The following ZNF609 variants were observed in gnomAD, a reference collection of about 807,000 sequenced individuals.
The protein encoded by ZNF609 is zinc finger protein 609.
A neutral mutation model predicts 109.5 loss-of-function variants in ZNF609; 11 were observed. The observed-to-expected ratio is 0.10, with a 90% confidence interval of 0.06 to 0.17. ZNF609 has a LOEUF of 0.17. Among genes scored for constraint, ZNF609 ranks in the 10% least tolerant of loss-of-function variants. The pLI, the probability that ZNF609 is intolerant of heterozygous loss-of-function variation, is 1.00. For synonymous variants in ZNF609, 646 were observed against 662.0 expected (o/e 0.98, Z 0.37); for missense variants, 1,559 against 1,772.4 (o/e 0.88, Z 2.16).
intron 4 of ZNF609, among the ~76,000 whole-genome samples, chr15:64,670,983 G>A (rs1407494029): frequency 6.6e-6 from 1 of 151,786 alleles, no homozygotes; most frequent in Non-Finnish European, 1.5e-5. Flanking sequence ...GCCAAGGCGG[G>A]TGGATCATGA....
intron 2 of ZNF609, among the ~76,000 whole-genome samples, chr15:64,531,629 G>A (rs1237546531): frequency 1.3e-5 from 2 of 151,966 alleles, no homozygotes; most frequent in Non-Finnish European, 2.9e-5. Flanking sequence ...GAACTCCTGA[G>A]CTCAAGAACT....
chr15:64,588,250 T>C (rs1184668917), intron 2 of ZNF609, among the ~76,000 whole-genome samples: 16 of 71,652 alleles, frequency 2.2e-4, no homozygotes, highest in African/African-American at 8.1e-4. Context: ...CCCCCGTCTC[T>C]ACTAAAAATA....
chr15:64,563,678 A>C (rs1278756968), intron 2 of ZNF609, among the ~76,000 whole-genome samples: 2 of 151,978 alleles, frequency 1.3e-5, no homozygotes, highest in Non-Finnish European at 2.9e-5. Context: ...CAGGAGGCTG[A>C]GGCAGGAGAA....
At position 64,685,127 on chromosome 15, in the gene ZNF609, C is replaced by A. The variant is rs1244398414; in HGVS notation, c.*3441C>A. 1 of 151,960 alleles carries A rather than the reference C, an allele frequency of 6.6e-6. No homozygotes were observed. Among genetic ancestry groups the A allele is most frequent in the Non-Finnish European group, 1.5e-5 (1 of 67,924 alleles). The allele number at this position is 151,960 out of a possible 1,614,324, so 9.4% of individuals were successfully genotyped here. ...TTAATTTCAGTCTTCCTGATTCTTC[C>A]CTTCTGTAAAGTGTACATTACCAAG... On this transcript the variant is annotated 3_prime_UTR_variant, in exon 10 of 10. Coordinates refer to ENST00000326648, the MANE Select transcript of ZNF609 (RefSeq NM_015042.2).
chr15:64,680,665 A>G lies in ZNF609; in HGVS notation c.3965A>G (p.Gln1322Arg). Residue 1322 changes from glutamine to arginine, a missense_variant, in exon 8 of 10, where the codon CAG (glutamine) becomes CGG (arginine). Around this residue, in one of 4 missense-constraint regions of ZNF609, gnomAD observed 1,204 missense variants for 1,314.1 expected, o/e 0.92. Coordinates refer to ENST00000326648, the MANE Select transcript of ZNF609 (RefSeq NM_015042.2). ...TTCCAGATAAGTGATAAAACTTCTC[A>G]GGAGAGAGATCGAGGAGGCTGTGGG... ...KSPTISDKTS[Q>R]ERDRGGCGVV... 3 of 1,599,526 alleles carry G rather than the reference A, an allele frequency of 1.9e-6. No homozygotes were observed. Among genetic ancestry groups the G allele is most frequent in the Non-Finnish European group, 2.6e-6 (3 of 1,172,962 alleles).
rs1158588173 is a variant in ZNF609 at position 64,681,903 on chromosome 15, A to G, written c.*217A>G. On this transcript the variant is annotated 3_prime_UTR_variant, in exon 10 of 10. Coordinates refer to ENST00000326648, the MANE Select transcript of ZNF609 (RefSeq NM_015042.2). Reference sequence around the variant, plus strand: ...CTTCCTCAGGAGCTGGAGAGCTGGTACTTAGCAAAAATATTTATTCTCTCA... The same window carrying G: ...CTTCCTCAGGAGCTGGAGAGCTGGTGCTTAGCAAAAATATTTATTCTCTCA... 2 of 153,536 alleles carry G rather than the reference A, an allele frequency of 1.3e-5. No homozygotes were observed. The highest frequency in any genetic ancestry group is 4.8e-5 in the African/African-American group (2 of 41,456). 9.5% of individuals were successfully genotyped at this position (153,536 alleles called of 1,614,324 possible).
chr15:64,587,032 A>G (rs1223316361), intron 2 of ZNF609, among the ~76,000 whole-genome samples: 2 of 152,164 alleles, frequency 1.3e-5, no homozygotes, highest in African/African-American at 4.8e-5. Flanking sequence ...GTTGCTTTCT[A>G]GAAGAGGATC....
Position 64,613,136 on chromosome 15 carries a change from C to T in ZNF609, c.748-9691C>T, listed in dbSNP as rs1036926014. ...AGGACTTCAAGACCAGCCTGGGAAA[C>T]ATGGCAAAACCTTGTCTCTACAAAA... On this transcript the variant is annotated intron_variant, in intron 2 of 9. Transcript: ENST00000326648. Among the ~76,000 whole-genome samples, 14 of 151,990 alleles carry T rather than the reference C, an allele frequency of 9.2e-5. 1 individual carries two copies. The highest frequency in any genetic ancestry group is 8.5e-4 in the Admixed American group (13 of 15,254).
intron 1 of ZNF609, among the ~76,000 whole-genome samples, chr15:64,484,878 G>T (rs1239144393): frequency 1.3e-5 from 2 of 151,958 alleles, no homozygotes; most frequent in Non-Finnish European, 2.9e-5. Flanking sequence ...GGAGGCTGAG[G>T]CAGGAGAACC....
chr15:64,488,432 G>A (rs1026228881), intron 1 of ZNF609, among the ~76,000 whole-genome samples: 1 of 152,214 alleles, frequency 6.6e-6, no homozygotes, highest in Non-Finnish European at 1.5e-5. Context: ...GCACAAGAGA[G>A]ACAGCCTCTG....
intron 1 of ZNF609, among the ~76,000 whole-genome samples, chr15:64,463,760 G>A (rs1324778935): frequency 6.6e-6 from 1 of 152,194 alleles, no homozygotes; most frequent in African/African-American, 2.4e-5. Context: ...CTGTCTTCAG[G>A]CCTTACTGGA....
chr15:64,553,296 C>T (rs937494432), intron 2 of ZNF609, among the ~76,000 whole-genome samples: 1 of 149,114 alleles, frequency 6.7e-6, no homozygotes, highest in Non-Finnish European at 1.5e-5. Flanking sequence ...CCTACTGGGA[C>T]TTTAATTGGA....
intron 2 of ZNF609, among the ~76,000 whole-genome samples, chr15:64,506,054 C>T (rs1056273435): frequency 5.3e-5 from 8 of 152,166 alleles, no homozygotes; most frequent in Non-Finnish European, 1.0e-4. Flanking sequence ...TACCTTTGCA[C>T]TTATTTACTG....
Position 64,481,610 on chromosome 15 carries a change from G to A in ZNF609, c.-127-17683G>A, listed in dbSNP as rs774502246. On this transcript the variant is annotated intron_variant, in intron 1 of 9. Coordinates refer to ENST00000326648, the MANE Select transcript of ZNF609 (RefSeq NM_015042.2). Reference sequence around the variant, plus strand: ...GCTGGGATTACAGGCATGAGCCACCGTGAAGAAAGGCATCTTTCTAAGAAG... The same window carrying A: ...GCTGGGATTACAGGCATGAGCCACCATGAAGAAAGGCATCTTTCTAAGAAG... 1.3e-5 allele frequency among the ~76,000 whole-genome samples: 2 copies of A among 151,936 alleles called. 1 individual carries two copies. The highest frequency in any genetic ancestry group is 3.9e-4 in the East Asian group (2 of 5,160).
chr15:64,652,636 C>A (rs1266373878), intron 3 of ZNF609, among the ~76,000 whole-genome samples: 1 of 152,092 alleles, frequency 6.6e-6, no homozygotes, highest in African/African-American at 2.4e-5. Flanking sequence ...AATCCTCCCA[C>A]CTTGGCCTCT....
intron 2 of ZNF609, among the ~76,000 whole-genome samples, chr15:64,579,421 A>G (rs977680345): frequency 6.6e-5 from 10 of 151,760 alleles, no homozygotes; most frequent in African/African-American, 2.2e-4. Context: ...AAAAAAAAAA[A>G]AAAAAAAGTA....
At position 64,623,013 on chromosome 15, in the gene ZNF609, G is replaced by A. The variant is rs1895901290; in HGVS notation, c.934G>A (p.Val312Ile). ...GGGCCCCTGTGAACCTGGAACTAGC[G>A]TCAACCTTGAAGGCATCGTGTGGCA... is the stretch of plus-strand genomic sequence containing the variant. Reference protein sequence around the residue: ...CLGPCEPGTSVNLEGIVWQET... With the variant: ...CLGPCEPGTSINLEGIVWQET... Residue 312 changes from valine (V) to isoleucine (I), a missense_variant, in exon 3 of 10, where the codon GTC becomes ATC. By Grantham distance (29) the Val-to-Ile change is conservative. This residue lies in a region of ZNF609 where 38 missense variants were observed against 82.1 expected (regional missense o/e 0.46). Coordinates refer to ENST00000326648, the MANE Select transcript of ZNF609 (RefSeq NM_015042.2). 3 of 1,614,122 alleles carry A rather than the reference G, an allele frequency of 1.9e-6. No individual in the cohort carries two copies. Among genetic ancestry groups the A allele is most frequent in the South Asian group, 1.1e-5 (1 of 91,092 alleles).
intron 2 of ZNF609, chr15:64,528,767 AG>A: frequency 2.3e-6 from 2 of 883,674 alleles, no homozygotes; most frequent in Non-Finnish European, 3.7e-6. Flanking sequence ...GTGGTCCTTG[AG>A]GACAATGGCT....
At chr15:64,539,697 T>G in intron 2 of ZNF609, among the ~76,000 whole-genome samples, 1 of 152,082 alleles carries the variant, frequency 6.6e-6, no homozygotes, top group East Asian at 1.9e-4. Context: ...AGAGACAGTG[T>G]TTCACTATGT....
Sources: gnomAD v4.1 joint callset for allele counts (sites outside exome capture counted in the v4.1 genomes callset) on GRCh38, gnomAD v4.1.1 for gene constraint, gnomAD v4.1.1 regional missense constraint, MANE v1.5 for transcripts, NCBI Gene and HGNC (gene_info 2026-07-23, HGNC 2026-07-21) for gene names.